The following GZMB variants were observed in gnomAD, a reference collection of about 807,000 sequenced individuals.
The protein encoded by GZMB is granzyme B, also known as T-cell serine protease 1-3E.
Under a neutral mutation model 24.2 loss-of-function variants are expected in GZMB, and 27 were observed. That is an observed-to-expected ratio of 1.12 (90% CI 0.82 to 1.54). The LOEUF is 1.54. GZMB is among the 40% of genes most tolerant of loss of function. GZMB has a pLI of 0.00. For synonymous variants in GZMB, 121 were observed against 115.1 expected (o/e 1.05, Z -0.33); for missense variants, 336 against 310.1 (o/e 1.08, Z -0.63).
Position 24,632,961 on chromosome 14 carries a change from G to A in GZMB, c.157C>T (p.Leu53=). The change falls in exon 2 of 5, where the codon CTG becomes TTG. Residue 53 remains leucine, a synonymous_variant. Coordinates refer to ENST00000216341, the MANE Select transcript of GZMB (RefSeq NM_004131.6). ...QKSLKRCGGF[L]IRDDFVLTAA... ...GTCAGCACGAAGTCGTCTCGTATCAGGAAGCCACCGCACCTCTTCAGAGAC... is the reference window on the plus strand; with the variant it reads ...GTCAGCACGAAGTCGTCTCGTATCAAGAAGCCACCGCACCTCTTCAGAGAC... The A allele has an allele frequency of 6.2e-7, 1 of 1,613,850 alleles. No homozygotes were observed. The highest frequency in any genetic ancestry group is 1.3e-5 in the African/African-American group (1 of 75,014).
intron 4 of GZMB, chr14:24,631,548 C>T (rs991334116): frequency 7.3e-6 from 4 of 548,396 alleles, no homozygotes; most frequent in Non-Finnish European, 1.3e-5. Context: ...GGGTACCAGC[C>T]TCTGAAGACA....
chr14:24,632,237 G>C, intron 3 of GZMB, 87 bp downstream of exon 3: 2 of 1,514,150 alleles, frequency 1.3e-6, no homozygotes, highest in South Asian at 1.2e-5. Context: ...CAAGAGGCCA[G>C]GATGGAAAGG....
rs190499023 is a variant in GZMB, at chr14:24,631,023, C to T, written c.*48G>A. ...TCCCAGTGTAAATCTGGACTTGGCT[C>T]CAGAGAAGGTGTTTCATTACAGCGG... On this transcript the variant is annotated 3_prime_UTR_variant, in exon 5 of 5. Coordinates refer to ENST00000216341, the MANE Select transcript of GZMB (RefSeq NM_004131.6). 5.5e-4 allele frequency: 811 copies of T among 1,470,536 alleles called. 5 individuals are homozygous for T. Among genetic ancestry groups the T allele is most frequent in the South Asian group, 1.3e-3 (117 of 87,336 alleles). The allele number at this position is 1,470,536 out of a possible 1,614,324, so 91.1% of individuals were successfully genotyped here.
At chr14:24,631,656 C>A in intron 4 of GZMB, 1 of 599,058 alleles carries the variant, frequency 1.7e-6, no homozygotes, top group East Asian at 2.8e-5. Flanking sequence ...TCCAAAGAAG[C>A]ACCATCCACC....
intron 4 of GZMB, 39 bp from the exon 5 acceptor site, chr14:24,631,253 C>G (rs2066992103): frequency 1.3e-6 from 2 of 1,586,044 alleles, no homozygotes; most frequent in African/African-American, 1.3e-5. Context: ...TGATGCTCCT[C>G]CGGGTCCTGC....
intron 2 of GZMB, 78 bp downstream of exon 2, chr14:24,632,837 C>T: frequency 1.4e-6 from 2 of 1,427,832 alleles, no homozygotes; most frequent in South Asian, 2.3e-5. Context: ...CACAGGAGCC[C>T]AGGGAGCTCC....
chr14:24,632,083 C>A lies in GZMB; in HGVS notation c.375G>T (p.Gln125His), dbSNP rs1246019965. The A allele has an allele frequency of 6.2e-7, 1 of 1,614,196 alleles. No individual in the cohort carries two copies. Among genetic ancestry groups the A allele is most frequent in the Admixed American group, 1.7e-5 (1 of 60,028 alleles). Residue 125 changes from glutamine to histidine, a missense_variant, in exon 4 of 5, where the codon CAG (glutamine) becomes CAT (histidine). Transcript: ENST00000216341. ...ERKAKRTRAV[Q>H]PLRLPSNKAQ... ...CCTTGTTGCTAGGTAGCCTGAGGGG[C>A]TGCACAGCTCTGGTCCGCTTGGCCT...
Position 24,631,247 on chromosome 14 carries a change from G to A in GZMB, c.601-33C>T, listed in dbSNP as rs376239913. 8 of 1,597,246 alleles carry A rather than the reference G, an allele frequency of 5.0e-6. No homozygotes were observed. In the Admixed American group the frequency reaches 1.2e-4, roughly 24 times the overall value. On this transcript the variant is annotated intron_variant, in intron 4 of 4. Transcript: ENST00000216341. ...TAGAGAGTGGAAGGACTGAGCTGATGCTCCTCCGGGTCCTGCCCTCTCTTC... is the reference window on the plus strand; with the variant it reads ...TAGAGAGTGGAAGGACTGAGCTGATACTCCTCCGGGTCCTGCCCTCTCTTC...
chr14:24,632,957 A>G lies in GZMB; in HGVS notation c.161T>C (p.Ile54Thr). ...KSLKRCGGFLIRDDFVLTAAH... is the reference protein window; with the variant it reads ...KSLKRCGGFLTRDDFVLTAAH... ...AGCTGTCAGCACGAAGTCGTCTCGT[A>G]TCAGGAAGCCACCGCACCTCTTCAG... The change falls in exon 2 of 5, where the codon ATA (isoleucine) becomes ACA (threonine). Residue 54 changes from isoleucine to threonine, a missense_variant. Ile to Thr is a moderately conservative substitution (Grantham distance 89). Transcript: ENST00000216341. 6.2e-7 allele frequency: 1 copy of G among 1,613,850 alleles called. No homozygotes were observed. The highest frequency in any genetic ancestry group is 1.1e-5 in the South Asian group (1 of 91,036).
At position 24,631,914 on chromosome 14, in the gene GZMB, C is replaced by A. The variant is rs138221069; in HGVS notation, c.544G>T (p.Asp182Tyr). 1.2e-6 allele frequency: 2 copies of A among 1,613,890 alleles called. No homozygotes were observed. The part of the protein sequence containing the change: ...KCESDLRHYY[D>Y]STIELCVGDP... ...CCCACGCACAACTCAATGGTACTGT[C>A]GTAATAATGGCGTAAGTCAGATTCG... The change falls in exon 4 of 5, where the codon GAC becomes TAC. Residue 182 changes from aspartate (D) to tyrosine (Y), a missense_variant. By Grantham distance (160) the Asp-to-Tyr change is radical. Transcript: ENST00000216341.
chr14:24,632,910 C>G lies in GZMB; in HGVS notation c.203+5G>C. 4 of 1,609,202 alleles carry G rather than the reference C, an allele frequency of 2.5e-6. No homozygotes were observed. Among genetic ancestry groups the G allele is most frequent in the Non-Finnish European group, 2.5e-6 (3 of 1,177,092 alleles). On this transcript the variant is annotated splice_donor_5th_base_variant and intron_variant, in intron 2 of 4. Transcript: ENST00000216341. ...GGAGGGTGTGGGCTGTTTTCTGCTCCTCACCTTCCCCAACAGTGAGCAGCT... is the reference window on the plus strand; with the variant it reads ...GGAGGGTGTGGGCTGTTTTCTGCTCGTCACCTTCCCCAACAGTGAGCAGCT...
At chr14:24,633,728 G>C (rs1267255042) in intron 1 of GZMB, among the ~76,000 whole-genome samples, 1 of 152,172 alleles carries the variant, frequency 6.6e-6, no homozygotes, top group Non-Finnish European at 1.5e-5. Context: ...CTGAGCTCTG[G>C]GTTTCTCTCC....
Position 24,631,124 on chromosome 14 carries a change from T to C in GZMB, c.691A>G (p.Thr231Ala). 1 of 1,613,212 alleles carries C rather than the reference T, an allele frequency of 6.2e-7. No individual in the cohort carries two copies. Among genetic ancestry groups the C allele is most frequent in the Non-Finnish European group, 8.5e-7 (1 of 1,179,144 alleles). ...CAGTGTACAAAGCTTGAGACTTTGGTGCAGGCTCGTGGAGGCATGCCATTG... is the reference window on the plus strand; with the variant it reads ...CAGTGTACAAAGCTTGAGACTTTGGCGCAGGCTCGTGGAGGCATGCCATTG... Reference protein sequence around the residue: ...RNNGMPPRACTKVSSFVHWIK... With the variant: ...RNNGMPPRACAKVSSFVHWIK... The change falls in exon 5 of 5, where the codon ACC (threonine) becomes GCC (alanine). Residue 231 changes from threonine to alanine, a missense_variant. Transcript: ENST00000216341.
chr14:24,631,879 C>A lies in GZMB; in HGVS notation c.579G>T (p.Glu193Asp). ...STIELCVGDPEIKKTSFKGDS... is the reference protein window; with the variant it reads ...STIELCVGDPDIKKTSFKGDS... ...TTACCTTAAAGGAAGTCTTTTTAAT[C>A]TCTGGGTCCCCCACGCACAACTCAA... is the stretch of plus-strand genomic sequence containing the variant. The change falls in exon 4 of 5, where the codon GAG becomes GAT. Residue 193 changes from glutamate (E) to aspartate (D), a missense_variant. By Grantham distance (45) the Glu-to-Asp change is conservative (BLOSUM62 2). Coordinates refer to ENST00000216341, the MANE Select transcript of GZMB (RefSeq NM_004131.6). The A allele has an allele frequency of 6.2e-7, 1 of 1,613,976 alleles. No individual in the cohort carries two copies.
intron 4 of GZMB, 139 bp downstream of exon 4, chr14:24,631,719 A>C: frequency 1.3e-6 from 1 of 759,268 alleles, no homozygotes. Context: ...AGCTCAGTCT[A>C]GTCCCCTCTT....
Position 24,632,405 on chromosome 14 carries a change from C to T in GZMB, c.258G>A (p.Gln86=). 1.9e-6 allele frequency: 3 copies of T among 1,613,538 alleles called. No homozygotes were observed. The highest frequency in any genetic ancestry group is 2.5e-6 in the Non-Finnish European group (3 of 1,179,788). ...TGGGTCTTTTCACAGGGATAAACTG[C>T]TGGGTCGGCTCCTGTTCTTTGATAT... ...AHNIKEQEPT[Q]QFIPVKRPIP... is the part of the protein sequence containing the mutation. Residue 86 remains glutamine (Q), a synonymous_variant, in exon 3 of 5, where the codon CAG becomes CAA. Transcript: ENST00000216341.
chr14:24,631,950 C>T lies in GZMB; in HGVS notation c.508G>A (p.Asp170Asn). 24 of 1,614,242 alleles carry T rather than the reference C, an allele frequency of 1.5e-5. No homozygotes were observed. The highest frequency in any genetic ancestry group is 1.9e-5 in the Non-Finnish European group (23 of 1,180,032). The change falls in exon 4 of 5, where the codon GAT becomes AAT. Residue 170 changes from aspartate (D) to asparagine (N), a missense_variant. Asp to Asn is a conservative substitution (Grantham distance 23). Coordinates refer to ENST00000216341, the MANE Select transcript of GZMB (RefSeq NM_004131.6). ...LQEVKMTVQE[D>N]RKCESDLRHY... ...CGTAAGTCAGATTCGCACTTTCGAT[C>T]TTCCTGCACTGTCATCTTCACCTCT...
rs772676872 is a variant in GZMB, at chr14:24,632,443, A to T, written c.220T>A (p.Leu74Met). ...HCWGSSINVT[L>M]GAHNIKEQEP... Reference sequence around the variant, plus strand: ...TGTTCTTTGATATTGTGGGCCCCCAAGGTGACATTTATGGAGCTGCACAGA... The same window carrying T: ...TGTTCTTTGATATTGTGGGCCCCCATGGTGACATTTATGGAGCTGCACAGA... The change falls in exon 3 of 5, where the codon TTG becomes ATG. Residue 74 changes from leucine to methionine, a missense_variant. Physicochemically the swap from Leu to Met is conservative, Grantham distance 15 (BLOSUM62 2). Coordinates refer to ENST00000216341, the MANE Select transcript of GZMB (RefSeq NM_004131.6). 6 of 1,613,196 alleles carry T rather than the reference A, an allele frequency of 3.7e-6. No individual in the cohort carries two copies. The Admixed American group carries it at 1.0e-4, about 27-fold the overall frequency.
Position 24,632,459 on chromosome 14 carries a change from G to C in GZMB, c.204C>G (p.Ser68Arg). ...FVLTAAHCWG[S>R]SINVTLGAHN... ...GGGCCCCCAAGGTGACATTTATGGA[G>C]CTGCACAGAGAGCAGAGTGAGGATG... The change falls in exon 3 of 5, where the codon AGC (serine) becomes AGG (arginine). Residue 68 changes from serine (S) to arginine (R), a missense_variant and splice_region_variant. Ser to Arg is a moderately radical substitution (Grantham distance 110). Transcript: ENST00000216341. 1 of 1,613,480 alleles carries C rather than the reference G, an allele frequency of 6.2e-7. No homozygotes were observed. The highest frequency in any genetic ancestry group is 1.7e-5 in the Admixed American group (1 of 59,994).
Sources: allele counts gnomAD v4.1 joint callset (sites outside exome capture counted in the v4.1 genomes callset), GRCh38; gene constraint gnomAD v4.1.1; transcripts MANE v1.5; gene names NCBI Gene and HGNC (gene_info 2026-07-23, HGNC 2026-07-21).